The following CCDC148 variants were observed in gnomAD, a reference collection of about 807,000 sequenced individuals.
The protein encoded by CCDC148 is coiled-coil domain containing 148.
In CCDC148, 89 loss-of-function variants were observed where a neutral mutation model predicts 85.7. The ratio of observed to expected loss-of-function variants is 1.04; its 90% CI spans 0.87 to 1.24. The LOEUF (loss-of-function observed/expected upper bound fraction) is 1.24, where lower values mean the gene tolerates loss of function less well. CCDC148 is among the 50% of genes most tolerant of loss of function. CCDC148 has a pLI of 0.00. For synonymous variants in CCDC148, 230 were observed against 213.9 expected (o/e 1.08, Z -0.66); for missense variants, 692 against 671.7 (o/e 1.03, Z -0.33).
intron 1 of CCDC148, among the ~76,000 whole-genome samples, chr2:158,427,754 C>T (rs993825358): frequency 1.3e-5 from 2 of 152,068 alleles, no homozygotes; most frequent in South Asian, 2.1e-4. Flanking sequence ...CCTATAATCT[C>T]AGCTACCTGG....
intron 1 of CCDC148, among the ~76,000 whole-genome samples, chr2:158,436,811 C>A (rs1184202707): frequency 1.3e-5 from 2 of 152,176 alleles, no homozygotes; most frequent in African/African-American, 4.8e-5. Context: ...ACTGATCCCA[C>A]AGAAATACAA....
chr2:158,314,677 CT>C (rs1692197221), intron 7 of CCDC148, among the ~76,000 whole-genome samples: 1 of 152,120 alleles, frequency 6.6e-6, no homozygotes, highest in Admixed American at 6.5e-5. Context: ...GAATTAATAT[CT>C]TTTTATATTC....
chr2:158,377,456 A>G (rs1559108773), intron 1 of CCDC148, among the ~76,000 whole-genome samples: 1 of 152,130 alleles, frequency 6.6e-6, no homozygotes, highest in Non-Finnish European at 1.5e-5. Flanking sequence ...AGTCAAAAAC[A>G]TGCAAATTAA....
At chr2:158,282,418 A>G (rs1450848592) in intron 9 of CCDC148, among the ~76,000 whole-genome samples, 8 of 152,238 alleles carry the variant, frequency 5.3e-5, no homozygotes, top group African/African-American at 1.9e-4. Flanking sequence ...CTGATAAGCA[A>G]CTTCAGCAAA....
At chr2:158,391,028 A>T (rs144093866) in intron 1 of CCDC148, among the ~76,000 whole-genome samples, 1 of 152,322 alleles carries the variant, frequency 6.6e-6, no homozygotes, top group East Asian at 1.9e-4. Context: ...GCCAGGGGTG[A>T]ACATACACAT....
chr2:158,185,806 T>G (rs1685127635), intron 11 of CCDC148, among the ~76,000 whole-genome samples: 1 of 152,128 alleles, frequency 6.6e-6, no homozygotes, highest in Non-Finnish European at 1.5e-5. Context: ...TTCAACATTT[T>G]CCTCAACTAC....
rs1421521330 is a variant in CCDC148 at position 158,228,668 on chromosome 2, T to C, written c.1252-7955A>G. ...TTCATGTCCTTTGTAGGGACATGGA[T>C]GAAGCTAGAAACCATCATTCTCAGC... On this transcript the variant is annotated intron_variant, in intron 10 of 13. Coordinates refer to ENST00000283233, the MANE Select transcript of CCDC148 (RefSeq NM_138803.4). Among the ~76,000 whole-genome samples the C allele has an allele frequency of 2.0e-5, 3 of 152,040 alleles. No individual in the cohort carries two copies. In the East Asian group the frequency reaches 5.8e-4, roughly 29 times the overall value.
chr2:158,197,957 T>C (rs536734315), intron 11 of CCDC148, among the ~76,000 whole-genome samples: 13 of 152,188 alleles, frequency 8.5e-5, no homozygotes, highest in South Asian at 2.1e-4. Context: ...AAGTCAGAAT[T>C]AACCCTATTC....
chr2:158,229,917 G>A (rs958725937), intron 10 of CCDC148, among the ~76,000 whole-genome samples: 2 of 152,056 alleles, frequency 1.3e-5, no homozygotes, highest in Non-Finnish European at 2.9e-5. Flanking sequence ...TTAGCAACTC[G>A]CTTTTTCCCA....
At chr2:158,234,383 T>C (rs1047048679) in intron 10 of CCDC148, among the ~76,000 whole-genome samples, 1 of 152,248 alleles carries the variant, frequency 6.6e-6, no homozygotes, top group African/African-American at 2.4e-5. Flanking sequence ...CAGCTACTTA[T>C]CAGTGCCTTA....
intron 1 of CCDC148, among the ~76,000 whole-genome samples, chr2:158,367,275 C>T (rs1432580717): frequency 6.6e-6 from 1 of 152,142 alleles, no homozygotes; most frequent in Non-Finnish European, 1.5e-5. Flanking sequence ...TAAATCTATG[C>T]TGGTTTGTTA....
intron 2 of CCDC148, among the ~76,000 whole-genome samples, chr2:158,348,792 T>C (rs1405687888): frequency 1.3e-5 from 2 of 152,080 alleles, no homozygotes; most frequent in African/African-American, 2.4e-5. Flanking sequence ...TTCAATCCAA[T>C]TGTGCATATG....
At chr2:158,390,370 A>G (rs1369469407) in intron 1 of CCDC148, among the ~76,000 whole-genome samples, 1 of 152,146 alleles carries the variant, frequency 6.6e-6, no homozygotes, top group Non-Finnish European at 1.5e-5. Context: ...AGAAGTGAGA[A>G]AGACTGGGCC....
intron 1 of CCDC148, among the ~76,000 whole-genome samples, chr2:158,395,729 G>A (rs531475061): frequency 1.3e-5 from 2 of 152,208 alleles, no homozygotes; most frequent in South Asian, 4.2e-4. Context: ...CTGGAATCAT[G>A]CACATCTGGA....
At chr2:158,354,796 T>C (rs1683534745) in intron 2 of CCDC148, among the ~76,000 whole-genome samples, 2 of 150,822 alleles carry the variant, frequency 1.3e-5, no homozygotes, top group South Asian at 2.1e-4. Flanking sequence ...TTTAGACCAA[T>C]ATCCTTGATG....
chr2:158,417,329 T>G (rs1686546261), intron 1 of CCDC148, among the ~76,000 whole-genome samples: 1 of 152,178 alleles, frequency 6.6e-6, no homozygotes, highest in Admixed American at 6.5e-5. Context: ...CCTGGAAGTG[T>G]ACCACCCAGA....
chr2:158,374,366 A>G (rs1419196010), intron 1 of CCDC148, among the ~76,000 whole-genome samples: 2 of 152,050 alleles, frequency 1.3e-5, no homozygotes, highest in Non-Finnish European at 2.9e-5. Context: ...GGGGTTAAGA[A>G]GGAGATTCTA....
intron 1 of CCDC148, among the ~76,000 whole-genome samples, chr2:158,387,714 G>C (rs1014841722): frequency 3.5e-4 from 53 of 152,062 alleles, no homozygotes; most frequent in African/African-American, 1.3e-3. Context: ...ATGTCAGGCT[G>C]TCCCTCCATG....
intron 1 of CCDC148, among the ~76,000 whole-genome samples, chr2:158,426,404 G>GTACATTAAAA (rs1450470072): frequency 1.1e-4 from 17 of 152,166 alleles, no homozygotes; most frequent in Non-Finnish European, 1.6e-4. Context: ...AATGTAGTTA[G>GTACATTAAAA]TGAATAAACT....
Sources: allele counts gnomAD v4.1 joint callset (sites outside exome capture counted in the v4.1 genomes callset), GRCh38; gene constraint gnomAD v4.1.1; transcripts MANE v1.5; gene names NCBI Gene and HGNC (gene_info 2026-07-23, HGNC 2026-07-21).